The following ANO6 variants were observed in gnomAD, a reference collection of about 807,000 sequenced individuals.
ANO6 encodes anoctamin 6.
ANO6 carries 106 observed loss-of-function variants against 117.5 expected under a neutral mutation model. The ratio of observed to expected loss-of-function variants is 0.90; its 90% confidence interval spans 0.77 to 1.06. The LOEUF is 1.06. Among genes scored for constraint, ANO6 ranks in the 50% least tolerant of loss-of-function variants. The probability of loss-of-function intolerance (pLI) is 0.00; values close to 1 mark genes in which losing one functional copy is unlikely to be tolerated. For synonymous variants in ANO6, 367 were observed against 385.1 expected, an observed-to-expected ratio of 0.95 and a Z score of 0.55; for missense variants, 955 against 1,121.1, an observed-to-expected ratio of 0.85 and a Z score of 2.12.
intron 1 of ANO6, among the ~76,000 whole-genome samples, chr12:45,217,000 G>A (rs141374097): frequency 2.1e-3 from 327 of 152,342 alleles, no homozygotes; most frequent in African/African-American, 7.3e-3. Context: ...AGGGAGGACC[G>A]CAGGGCCTTT....
At chr12:45,378,249 G>A in intron 10 of ANO6, 136 bp downstream of exon 10, 1 of 829,644 alleles carries the variant, frequency 1.2e-6, no homozygotes. Flanking sequence ...TTATAACTGA[G>A]GGCATTTATC....
intron 2 of ANO6, among the ~76,000 whole-genome samples, chr12:45,319,755 T>C (rs1313895478): frequency 6.6e-6 from 1 of 152,198 alleles, no homozygotes; most frequent in Non-Finnish European, 1.5e-5. Flanking sequence ...CCTGGACTCT[T>C]TTTGGTTGGT....
intron 9 of ANO6, among the ~76,000 whole-genome samples, 186 bp from the exon 10 acceptor site, chr12:45,377,867 G>T (rs1942069737): frequency 6.6e-6 from 1 of 152,156 alleles, no homozygotes; most frequent in Non-Finnish European, 1.5e-5. Context: ...GCTTTGAAAA[G>T]AATCAAATTT....
chr12:45,245,956 A>AC (rs1269264419), intron 1 of ANO6, among the ~76,000 whole-genome samples: 1 of 151,166 alleles, frequency 6.6e-6, no homozygotes, highest in Non-Finnish European at 1.5e-5. Context: ...AAAAAAAAAA[A>AC]AAAACCCAAG....
chr12:45,240,982 A>G lies in ANO6; in HGVS notation c.70+24591A>G, dbSNP rs559386051. 2.0e-5 allele frequency among the ~76,000 whole-genome samples: 3 copies of G among 151,918 alleles called. No homozygotes were observed. In the East Asian group the frequency reaches 5.8e-4, roughly 29 times the overall value. ...ACCTTTCTCTCTGGCTGCCCTTCACATTTTTTCCTTCATTTCAACCTTGGT... is the reference window on the plus strand; with the variant it reads ...ACCTTTCTCTCTGGCTGCCCTTCACGTTTTTTCCTTCATTTCAACCTTGGT... On this transcript the variant is annotated intron_variant, in intron 1 of 19. Coordinates refer to ENST00000320560, the MANE Select transcript of ANO6 (RefSeq NM_001025356.3).
chr12:45,412,242 A>T (rs1943105208), intron 16 of ANO6, among the ~76,000 whole-genome samples: 1 of 152,178 alleles, frequency 6.6e-6, no homozygotes, highest in Non-Finnish European at 1.5e-5. Flanking sequence ...TCAGTAATGT[A>T]CTGCAGACAC....
At chr12:45,357,203 C>T (rs1941433112) in intron 7 of ANO6, 87 bp from the exon 8 acceptor site, 5 of 1,490,888 alleles carry the variant, frequency 3.4e-6, no homozygotes, top group African/African-American at 2.8e-5. Flanking sequence ...AAAGCCTCTC[C>T]TTTATTTAAA....
chr12:45,292,246 A>G (rs972409484), intron 1 of ANO6, among the ~76,000 whole-genome samples: 7 of 152,238 alleles, frequency 4.6e-5, no homozygotes, highest in African/African-American at 1.7e-4. Flanking sequence ...TATTTATATG[A>G]AATATATTAA....
intron 1 of ANO6, among the ~76,000 whole-genome samples, chr12:45,293,823 T>C (rs1368386570): frequency 6.8e-6 from 1 of 146,598 alleles, no homozygotes; most frequent in Non-Finnish European, 1.5e-5. Context: ...GACCTCATGA[T>C]CCACCCATCT....
chr12:45,430,844 ACAGGTCATTG>A lies in ANO6; in HGVS notation c.*1535_*1544del. 1 of 985,460 alleles carries A rather than the reference ACAGGTCATTG, an allele frequency of 1.0e-6. No individual in the cohort carries two copies. The highest frequency in any genetic ancestry group is 1.2e-6 in the Non-Finnish European group (1 of 829,980). The allele number at this position is 985,460 out of a possible 1,614,324, so 61.0% of individuals were successfully genotyped here. On this transcript the variant is annotated 3_prime_UTR_variant, in exon 20 of 20. Transcript: ENST00000320560. Reference sequence around the variant, plus strand: ...CCAGGCCCTCTCACCCCTACTGGTAACAGGTCATTGCTGGGTGCACAAGAGGGAGGTGATT... The same window carrying A: ...CCAGGCCCTCTCACCCCTACTGGTAACTGGGTGCACAAGAGGGAGGTGATT...
In ANO6 at chr12:45,250,417, G is replaced by A. The variant is rs993815807; in HGVS notation, c.70+34026G>A. Among the ~76,000 whole-genome samples, 16 of 152,186 alleles carry A rather than the reference G, an allele frequency of 1.1e-4. No homozygotes were observed. In the East Asian group the frequency reaches 3.1e-3, roughly 29 times the overall value. ...ACTTTATTATTTATTTATCGAGATG[G>A]GGTCTAGCTCTGTCACCCAGGCTGG... On this transcript the variant is annotated intron_variant, in intron 1 of 19. Transcript: ENST00000320560.
intron 2 of ANO6, among the ~76,000 whole-genome samples, chr12:45,318,510 C>T (rs1223360940): frequency 7.9e-5 from 12 of 151,968 alleles, no homozygotes; most frequent in South Asian, 2.1e-4. Context: ...AGTACCATGC[C>T]GTTTTGATTA....
intron 2 of ANO6, among the ~76,000 whole-genome samples, chr12:45,317,957 T>G (rs1325978671): frequency 6.6e-6 from 1 of 152,232 alleles, no homozygotes; most frequent in African/African-American, 2.4e-5. Context: ...TTGCCCACTT[T>G]TTGATGGGGT....
At chr12:45,371,677 A>C (rs1941841394) in intron 9 of ANO6, among the ~76,000 whole-genome samples, 1 of 152,154 alleles carries the variant, frequency 6.6e-6, no homozygotes, top group South Asian at 2.1e-4. Flanking sequence ...AAACTAACAA[A>C]CAGAAAGGAC....
At chr12:45,439,127 G>A (rs1269132599) in intron 19 of ANO6, among the ~76,000 whole-genome samples, 2 of 152,192 alleles carry the variant, frequency 1.3e-5, no homozygotes, top group African/African-American at 2.4e-5. Context: ...GGTGAGCTGT[G>A]AGGACTATGA....
chr12:45,289,867 T>C (rs1424077082), intron 1 of ANO6, among the ~76,000 whole-genome samples: 4 of 152,230 alleles, frequency 2.6e-5, no homozygotes, highest in Non-Finnish European at 5.9e-5. Context: ...TAATCTGTTA[T>C]TGGGTGCTGA....
At chr12:45,347,217 G>A (rs1229954220) in intron 4 of ANO6, 130 bp downstream of exon 4, 2 of 855,686 alleles carry the variant, frequency 2.3e-6, no homozygotes, top group African/African-American at 3.4e-5. Context: ...TGGGAGAGGA[G>A]TCAATCAAAA....
chr12:45,250,677 G>A (rs930900018), intron 1 of ANO6, among the ~76,000 whole-genome samples: 77 of 150,942 alleles, frequency 5.1e-4, no homozygotes, highest in African/African-American at 1.6e-3. Context: ...TACTGGGATT[G>A]CAGGCATGAG....
At chr12:45,245,420 ATTTT>A (rs397965166) in intron 1 of ANO6, among the ~76,000 whole-genome samples, 1 of 132,320 alleles carries the variant, frequency 7.6e-6, no homozygotes, top group Non-Finnish European at 1.6e-5. Flanking sequence ...CAAAAAACTG[ATTTT>A]TTTTTTTTTT....
Sources: allele counts gnomAD v4.1 joint callset (sites outside exome capture counted in the v4.1 genomes callset), GRCh38; gene constraint gnomAD v4.1.1; transcripts MANE v1.5; gene names NCBI Gene and HGNC (gene_info 2026-07-23, HGNC 2026-07-21).